CPNE4: variants seen among roughly 807,000 people sequenced by gnomAD.
The protein encoded by CPNE4 is copine-4.
CPNE4 carries 25 observed loss-of-function variants against 67.9 expected under a neutral mutation model. That is an observed-to-expected ratio of 0.37 (90% confidence interval 0.27 to 0.51). CPNE4 has a LOEUF of 0.51. Ranked by LOEUF, CPNE4 falls within the 20% of genes least tolerant of loss-of-function variation. CPNE4 has a pLI of 0.93. For missense variants in CPNE4, 464 were observed against 690.8 expected, an observed-to-expected ratio of 0.67 and a Z score of 3.68; for synonymous variants, 242 against 244.9, an observed-to-expected ratio of 0.99 and a Z score of 0.11.
intron 1 of CPNE4, among the ~76,000 whole-genome samples, chr3:131,961,836 A>G (rs2072190634): frequency 6.6e-6 from 1 of 152,090 alleles, no homozygotes; most frequent in Non-Finnish European, 1.5e-5. Context: ...CAAATATCAA[A>G]AAACAATTTT....
At position 131,587,571 on chromosome 3, in the gene CPNE4, C is replaced by A; in HGVS notation, c.693G>T (p.Trp231Cys). ...DPDRRLKCIV[W>C]DWDSNGKHDF... ...CATGCTTGCCATTGGAGTCCCAGTCCCATACTATGCACTGTAAGAGAAAAC... is the reference window on the plus strand; with the variant it reads ...CATGCTTGCCATTGGAGTCCCAGTCACATACTATGCACTGTAAGAGAAAAC... Residue 231 changes from tryptophan to cysteine, a missense_variant, in exon 8 of 16, where the codon TGG becomes TGT. Trp to Cys is a radical substitution (Grantham distance 215, BLOSUM62 -2). Coordinates refer to ENST00000429747, the MANE Select transcript of CPNE4 (RefSeq NM_130808.3). 1 of 1,610,134 alleles carries A rather than the reference C, an allele frequency of 6.2e-7. No individual in the cohort carries two copies. Among genetic ancestry groups the A allele is most frequent in the Non-Finnish European group, 8.5e-7 (1 of 1,176,564 alleles).
At chr3:131,785,643 C>G (rs1231487757) in intron 2 of CPNE4, among the ~76,000 whole-genome samples, 1 of 147,824 alleles carries the variant, frequency 6.8e-6, no homozygotes, top group Non-Finnish European at 1.5e-5. Flanking sequence ...GTTACATCTG[C>G]CAGCACTCTC....
intron 1 of CPNE4, among the ~76,000 whole-genome samples, chr3:132,009,886 T>C (rs1308573150): frequency 6.6e-6 from 1 of 152,182 alleles, no homozygotes; most frequent in African/African-American, 2.4e-5. Flanking sequence ...TCAGGGATGC[T>C]ACTAAACTTC....
intron 2 of CPNE4, among the ~76,000 whole-genome samples, chr3:131,775,267 C>T (rs1274346318): frequency 6.6e-6 from 1 of 152,054 alleles, no homozygotes; most frequent in African/African-American, 2.4e-5. Flanking sequence ...TTGTGACAGC[C>T]CAAAGCATAA....
chr3:131,861,269 T>C (rs991616569), intron 2 of CPNE4, among the ~76,000 whole-genome samples: 9 of 152,238 alleles, frequency 5.9e-5, no homozygotes, highest in Admixed American at 2.0e-4. Context: ...ATAGAATAAG[T>C]GCTCAGGACT....
intron 1 of CPNE4, among the ~76,000 whole-genome samples, chr3:131,916,659 C>A (rs977253733): frequency 6.6e-6 from 1 of 151,970 alleles, no homozygotes; most frequent in Non-Finnish European, 1.5e-5. Flanking sequence ...TCAGCATTGC[C>A]CAGTAGAAAT....
At chr3:131,850,635 A>G (rs2086204371) in intron 2 of CPNE4, among the ~76,000 whole-genome samples, 1 of 152,144 alleles carries the variant, frequency 6.6e-6, no homozygotes, top group African/African-American at 2.4e-5. Flanking sequence ...GAATTTACTG[A>G]CATCCTATTA....
chr3:131,893,013 C>T (rs1427339862), intron 2 of CPNE4, among the ~76,000 whole-genome samples: 1 of 151,932 alleles, frequency 6.6e-6, no homozygotes, highest in Non-Finnish European at 1.5e-5. Flanking sequence ...ATTAAATTCT[C>T]CACTTAAAAT....
chr3:132,023,266 G>A (rs1273551875), intron 1 of CPNE4, among the ~76,000 whole-genome samples: 1 of 151,976 alleles, frequency 6.6e-6, no homozygotes, highest in Non-Finnish European at 1.5e-5. Flanking sequence ...TGCTTTCTGG[G>A]GCTTCCTTTG....
In CPNE4 at chr3:131,814,766, G is replaced by A. The variant is rs376759950; in HGVS notation, c.180+90498C>T. 9.7e-5 allele frequency among the ~76,000 whole-genome samples: 14 copies of A among 144,492 alleles called. No homozygotes were observed. In the East Asian group the frequency reaches 1.9e-3, roughly 20 times the overall value. The allele number at this position is 144,492 out of a possible 152,430, so 94.8% of individuals were successfully genotyped here. Reference sequence around the variant, plus strand: ...ACTACAGGCGCCCGCCACTACGCCCGGCTAATTTTTTGTATTTTTAGTAGA... The same window carrying A: ...ACTACAGGCGCCCGCCACTACGCCCAGCTAATTTTTTGTATTTTTAGTAGA... On this transcript the variant is annotated intron_variant, in intron 2 of 15. Transcript: ENST00000429747.
chr3:131,693,536 T>C (rs1159720846), intron 5 of CPNE4, among the ~76,000 whole-genome samples: 1 of 152,182 alleles, frequency 6.6e-6, no homozygotes, highest in African/African-American at 2.4e-5. Flanking sequence ...ATCCTTATAT[T>C]TGTGCTGTAT....
chr3:131,981,101 G>C lies in CPNE4; in HGVS notation c.-2+53466C>G, dbSNP rs189274846. 5.0e-3 allele frequency among the ~76,000 whole-genome samples: 756 copies of C among 152,186 alleles called. 4 individuals are homozygous for C. Among genetic ancestry groups the C allele is most frequent in the Non-Finnish European group, 7.7e-3 (526 of 68,012 alleles). ...AGCCTGTTCCAGTGGAGGTGGTGGG[G>C]GATGCAATGGACTCTGTGAGGGTTC... On this transcript the variant is annotated intron_variant, in intron 1 of 15. Transcript: ENST00000429747.
At chr3:131,684,343 C>CT (rs2080832706) in intron 6 of CPNE4, among the ~76,000 whole-genome samples, 2 of 152,182 alleles carry the variant, frequency 1.3e-5, no homozygotes, top group African/African-American at 4.8e-5. Flanking sequence ...CCACTCAGGG[C>CT]AACTGTGCTA....
At chr3:131,673,765 T>C (rs927999460) in intron 6 of CPNE4, among the ~76,000 whole-genome samples, 1 of 152,086 alleles carries the variant, frequency 6.6e-6, no homozygotes, top group African/African-American at 2.4e-5. Flanking sequence ...CAAACAAGTA[T>C]AAATTGACTT....
At chr3:131,800,216 T>G (rs2084051984) in intron 2 of CPNE4, among the ~76,000 whole-genome samples, 1 of 152,080 alleles carries the variant, frequency 6.6e-6, no homozygotes, top group Non-Finnish European at 1.5e-5. Context: ...ACCTCCCACT[T>G]ATAAGTGAGA....
In CPNE4 at chr3:131,629,431, G is replaced by T. The variant is rs185949820; in HGVS notation, c.681+40244C>A. Among the ~76,000 whole-genome samples, 178 of 151,754 alleles carry T rather than the reference G, an allele frequency of 1.2e-3. 1 individual carries two copies. Among genetic ancestry groups the T allele is most frequent in the South Asian group, 2.1e-3 (10 of 4,782 alleles). ...ATAATGCTATTGCACACTTAATAAA[G>T]AACAGGATACTGTAAACATAACTTT... On this transcript the variant is annotated intron_variant, in intron 7 of 15. Transcript: ENST00000429747.
At chr3:131,640,114 A>G (rs1582940072) in intron 7 of CPNE4, among the ~76,000 whole-genome samples, 1 of 152,282 alleles carries the variant, frequency 6.6e-6, no homozygotes, top group East Asian at 1.9e-4. Context: ...AAGGATGTCC[A>G]CTTTCACCAC....
chr3:132,030,594 C>A (rs1375520502), intron 1 of CPNE4, among the ~76,000 whole-genome samples: 1 of 152,214 alleles, frequency 6.6e-6, no homozygotes, highest in Non-Finnish European at 1.5e-5. Flanking sequence ...ATTTTTGAGA[C>A]TTGCCTTCCA....
At chr3:131,589,671 C>A (rs571244875) in intron 7 of CPNE4, among the ~76,000 whole-genome samples, 5 of 152,146 alleles carry the variant, frequency 3.3e-5, no homozygotes, top group African/African-American at 1.2e-4. Flanking sequence ...AAAATGGGGT[C>A]GGTAGGAATG....
Sources: allele counts gnomAD v4.1 joint callset (sites outside exome capture counted in the v4.1 genomes callset), GRCh38; gene constraint gnomAD v4.1.1; transcripts MANE v1.5; gene names NCBI Gene and HGNC (gene_info 2026-07-23, HGNC 2026-07-21).